The following RAD51B variants were observed in gnomAD, a reference collection of about 807,000 sequenced individuals.
RAD51B encodes the protein DNA repair protein RAD51 homolog 2.
Under a neutral mutation model 42.2 loss-of-function variants are expected in RAD51B, and 38 were observed. The observed-to-expected ratio is 0.90, with a 90% confidence interval of 0.70 to 1.18. RAD51B has a LOEUF of 1.18. Among genes scored for constraint, RAD51B ranks in the 50% most tolerant of loss-of-function variants. The pLI, the probability that RAD51B is intolerant of heterozygous loss-of-function variation, is 0.00. For synonymous variants in RAD51B, 154 were observed against 145.2 expected, an observed-to-expected ratio of 1.06 and a Z score of -0.43; for missense variants, 373 against 400.7, an observed-to-expected ratio of 0.93 and a Z score of 0.59.
chr14:68,385,066 C>T (rs183020792), intron 8 of RAD51B, among the ~76,000 whole-genome samples: 19 of 152,122 alleles, frequency 1.2e-4, no homozygotes, highest in Admixed American at 1.2e-3. Flanking sequence ...TTGCCATCTG[C>T]CTCTGTTTTG....
intron 5 of RAD51B, among the ~76,000 whole-genome samples, chr14:67,879,211 A>G (rs1048706123): frequency 6.6e-6 from 1 of 152,254 alleles, no homozygotes; most frequent in African/African-American, 2.4e-5. Context: ...GTGGAATTTC[A>G]TCTTTTTAAA....
At chr14:68,026,643 T>C (rs1327888867) in intron 7 of RAD51B, among the ~76,000 whole-genome samples, 1 of 152,190 alleles carries the variant, frequency 6.6e-6, no homozygotes, top group Non-Finnish European at 1.5e-5. Context: ...AAGTCTGTTC[T>C]GTCTGATATA....
intron 10 of RAD51B, among the ~76,000 whole-genome samples, chr14:68,636,843 G>T (rs4902621): frequency 6.6e-6 from 1 of 152,182 alleles, no homozygotes; most frequent in East Asian, 1.9e-4. Flanking sequence ...GCAGGAGGAC[G>T]GCGGCCCCAA....
At chr14:68,088,052 A>G (rs74773190) in intron 7 of RAD51B, among the ~76,000 whole-genome samples, 23,150 of 138,968 alleles carry the variant, frequency 0.17, 2,115 homozygotes, top group Middle Eastern at 0.35. Context: ...TTAAATAAAA[A>G]TAATAACTAT....
intron 8 of RAD51B, among the ~76,000 whole-genome samples, chr14:68,327,660 A>G (rs1409731744): frequency 3.3e-5 from 5 of 152,154 alleles, no homozygotes; most frequent in Non-Finnish European, 5.9e-5. Flanking sequence ...AGCCAAAGGT[A>G]AACAGACTGT....
At chr14:68,229,231 G>T (rs2080099816) in intron 7 of RAD51B, among the ~76,000 whole-genome samples, 1 of 152,116 alleles carries the variant, frequency 6.6e-6, no homozygotes, top group Non-Finnish European at 1.5e-5. Context: ...TTAATCTTTT[G>T]TATTGACCTG....
chr14:68,477,155 C>A (rs974856846), intron 10 of RAD51B, among the ~76,000 whole-genome samples: 3 of 152,334 alleles, frequency 2.0e-5, no homozygotes, highest in Admixed American at 6.5e-5. Flanking sequence ...TGGTCAGCCG[C>A]GTCCCTATGC....
At chr14:68,235,267 T>C (rs1324355314) in intron 7 of RAD51B, among the ~76,000 whole-genome samples, 1 of 151,882 alleles carries the variant, frequency 6.6e-6, no homozygotes, top group African/African-American at 2.4e-5. Flanking sequence ...TGTCACTACA[T>C]GATAGGAATT....
At chr14:68,118,819 GTGTT>G (rs1413543387) in intron 7 of RAD51B, among the ~76,000 whole-genome samples, 16 of 152,288 alleles carry the variant, frequency 1.1e-4, no homozygotes, top group Non-Finnish European at 1.9e-4. Flanking sequence ...GTGTGTGTGT[GTGTT>G]CATTCATTTC....
chr14:67,882,942 G>T (rs1182611267), intron 5 of RAD51B, among the ~76,000 whole-genome samples: 1 of 152,080 alleles, frequency 6.6e-6, no homozygotes, highest in Non-Finnish European at 1.5e-5. Context: ...ACGGGGTTTT[G>T]CCATGTTGGC....
chr14:68,243,623 G>T (rs547683031), intron 7 of RAD51B, among the ~76,000 whole-genome samples: 115 of 152,244 alleles, frequency 7.6e-4, no homozygotes, highest in African/African-American at 2.7e-3. Flanking sequence ...TTGCTTGGTA[G>T]TAATTGACAC....
At chr14:68,299,810 C>T (rs978248626) in intron 8 of RAD51B, among the ~76,000 whole-genome samples, 1 of 152,228 alleles carries the variant, frequency 6.6e-6, no homozygotes. Flanking sequence ...AACTAAAAGA[C>T]AGCCAGATCA....
At chr14:68,227,473 G>T (rs543595185) in intron 7 of RAD51B, among the ~76,000 whole-genome samples, 8 of 152,180 alleles carry the variant, frequency 5.3e-5, no homozygotes, top group Non-Finnish European at 4.4e-5. Context: ...CACCTCAGAG[G>T]GTTGTTATAA....
chr14:68,019,710 G>A (rs1036079227), intron 7 of RAD51B, among the ~76,000 whole-genome samples: 2 of 152,152 alleles, frequency 1.3e-5, no homozygotes, highest in Non-Finnish European at 2.9e-5. Flanking sequence ...GCCAAGGGAT[G>A]ACTGTGATTT....
chr14:68,617,541 T>C (rs1337119151), intron 10 of RAD51B, among the ~76,000 whole-genome samples: 2 of 152,200 alleles, frequency 1.3e-5, no homozygotes, highest in Admixed American at 6.5e-5. Context: ...GGAGCTTTTT[T>C]TACATGGTCC....
intron 3 of RAD51B, among the ~76,000 whole-genome samples, chr14:67,827,369 C>A (rs993275965): frequency 6.6e-6 from 1 of 152,172 alleles, no homozygotes. Flanking sequence ...TAATACAATT[C>A]CAAATACAGT....
chr14:67,948,838 A>G (rs972446082), intron 7 of RAD51B, among the ~76,000 whole-genome samples: 1 of 144,766 alleles, frequency 6.9e-6, no homozygotes, highest in African/African-American at 2.6e-5. Flanking sequence ...AGGCTGAGGC[A>G]GGAGAATGGT....
chr14:68,062,814 C>CA (rs962527138), intron 7 of RAD51B, among the ~76,000 whole-genome samples: 1,543 of 39,540 alleles, frequency 0.039, 20 homozygotes, highest in African/African-American at 0.054. Context: ...GACTCTGTGA[C>CA]AAAAAAAAAA....
intron 7 of RAD51B, among the ~76,000 whole-genome samples, chr14:67,958,034 C>T (rs565087911): frequency 6.6e-5 from 10 of 152,150 alleles, no homozygotes; most frequent in Non-Finnish European, 1.3e-4. Context: ...ATAAATCTCT[C>T]ACATTTTGTA....
Sources: allele counts gnomAD v4.1 joint callset (sites outside exome capture counted in the v4.1 genomes callset), GRCh38; gene constraint gnomAD v4.1.1; transcripts MANE v1.5; gene names NCBI Gene and HGNC (gene_info 2026-07-23, HGNC 2026-07-21).